ANP32B: variants seen among roughly 807,000 people sequenced by gnomAD.
The protein encoded by ANP32B is acidic nuclear phosphoprotein 32 family member B, also known as acidic leucine-rich nuclear phosphoprotein 32 family member B.
ANP32B carries 6 observed loss-of-function variants against 32.2 expected under a neutral mutation model. The observed-to-expected ratio is 0.19, with a 90% CI of 0.10 to 0.37. The LOEUF (loss-of-function observed/expected upper bound fraction) is 0.37, where lower values mean the gene tolerates loss of function less well. ANP32B is among the 10% of genes least tolerant of loss of function. The probability of loss-of-function intolerance (pLI) is 1.00; values close to 1 mark genes in which losing one functional copy is unlikely to be tolerated. For missense variants in ANP32B, 204 were observed against 289.2 expected (o/e 0.71, Z 2.14); for synonymous variants, 98 against 105.8 (o/e 0.93, Z 0.45).
chr9:98,012,838 C>T (rs1316842275), intron 6 of ANP32B, among the ~76,000 whole-genome samples: 13 of 152,232 alleles, frequency 8.5e-5, no homozygotes, highest in African/African-American at 3.1e-4. Context: ...TCAAGCCATT[C>T]TCCTGCCTCA....
intron 6 of ANP32B, among the ~76,000 whole-genome samples, chr9:98,012,722 GGGTGGTGGTGGT>G (rs942174470): frequency 1.3e-5 from 2 of 151,942 alleles, no homozygotes; most frequent in Non-Finnish European, 2.9e-5. Flanking sequence ...GTTTTTTTCG[GGGTGGTGGTGGT>G]GGTGGTGGTG....
chr9:98,011,132 T>C (rs1467364243), intron 4 of ANP32B, 139 bp from the exon 5 acceptor site: 2 of 1,267,054 alleles, frequency 1.6e-6, no homozygotes, highest in African/African-American at 3.0e-5. Flanking sequence ...GACTGAGCTG[T>C]AGCACATAGT....
chr9:97,998,900 C>T lies in ANP32B; in HGVS notation c.327+222C>T, dbSNP rs1337503213. On this transcript the variant is annotated intron_variant, in intron 3 of 6. Transcript: ENST00000339399. ...TCGGCTCACTGCAAGCTCCGCCTCC[C>T]GGGTTCACGCCATTCTCCTGCCTCA... Among the ~76,000 whole-genome samples, 3 of 40,306 alleles carry T rather than the reference C, an allele frequency of 7.4e-5. 1 individual carries two copies. Among genetic ancestry groups the T allele is most frequent in the African/African-American group, 5.7e-4 (2 of 3,536 alleles). The allele number at this position is 40,306 out of a possible 152,430, so 26.4% of individuals were successfully genotyped here. A position where few individuals can be genotyped will look rare whatever the true frequency, so the allele number is the denominator to read the frequency against.
rs560419735 is a variant in ANP32B, at chr9:97,988,639, T to TG, written c.54+5031dup. On this transcript the variant is annotated intron_variant, in intron 1 of 6. Coordinates refer to ENST00000339399, the MANE Select transcript of ANP32B (RefSeq NM_006401.3). ...ATTCTGGAGGCTGAGGCAGGAGAAT[T>TG]GCTTGAACCCCGGGGACAGAGTTTG... 3.3e-3 allele frequency among the ~76,000 whole-genome samples: 509 copies of TG among 152,204 alleles called. 3 individuals carry two copies. The highest frequency in any genetic ancestry group is 0.012 in the African/African-American group (483 of 41,534).
intron 1 of ANP32B, among the ~76,000 whole-genome samples, chr9:97,987,881 T>C (rs915833930): frequency 6.6e-6 from 1 of 152,172 alleles, no homozygotes; most frequent in Admixed American, 6.5e-5. Context: ...TTGAGCTCAA[T>C]TGGATATTCT....
intron 4 of ANP32B, among the ~76,000 whole-genome samples, chr9:98,005,827 C>G: frequency 6.6e-6 from 1 of 152,166 alleles, no homozygotes; most frequent in African/African-American, 2.4e-5. Context: ...CTTAAGTCTT[C>G]CTACTTCAGG....
intron 4 of ANP32B, among the ~76,000 whole-genome samples, chr9:98,007,641 G>A (rs528908808): frequency 5.3e-5 from 8 of 152,276 alleles, no homozygotes; most frequent in African/African-American, 1.7e-4. Flanking sequence ...CAGATGGAGC[G>A]GCTGCCATGG....
chr9:97,985,071 C>T lies in ANP32B; in HGVS notation c.54+1462C>T, dbSNP rs926276767. On this transcript the variant is annotated intron_variant, in intron 1 of 6. Transcript: ENST00000339399. The stretch of plus-strand genomic sequence containing the variant: ...GCGGCTGCCCGCCGTCGCGAGCCCC[C>T]CCCCCGCCGCGGACCGGCGCGGGCC... 9.3e-5 allele frequency among the ~76,000 whole-genome samples: 14 copies of T among 150,510 alleles called. No individual in the cohort carries two copies. In the East Asian group the frequency reaches 2.8e-3, roughly 30 times the overall value.
At chr9:97,983,759 G>A (rs541028935) in intron 1 of ANP32B, 150 bp downstream of exon 1, 2 of 539,428 alleles carry the variant, frequency 3.7e-6, no homozygotes, top group Non-Finnish European at 5.8e-6. Context: ...CGGGCGCGGA[G>A]GGGGGAGCGA....
At chr9:97,997,416 T>C (rs1827923152) in intron 2 of ANP32B, among the ~76,000 whole-genome samples, 2 of 152,260 alleles carry the variant, frequency 1.3e-5, no homozygotes, top group South Asian at 2.1e-4. Flanking sequence ...GTACATTTCA[T>C]TGCATGGCAA....
intron 4 of ANP32B, among the ~76,000 whole-genome samples, chr9:98,010,982 C>A (rs1161054277): frequency 6.6e-6 from 1 of 152,126 alleles, no homozygotes; most frequent in Non-Finnish European, 1.5e-5. Context: ...TTCCTGCATA[C>A]CCTTACCTTC....
At chr9:97,996,764 T>A (rs541639615) in intron 2 of ANP32B, among the ~76,000 whole-genome samples, 2 of 152,144 alleles carry the variant, frequency 1.3e-5, no homozygotes, top group East Asian at 3.9e-4. Context: ...TGGCTACTTT[T>A]TGTATTTTTT....
intron 3 of ANP32B, among the ~76,000 whole-genome samples, chr9:98,001,251 G>A (rs1015034427): frequency 1.4e-4 from 21 of 151,030 alleles, no homozygotes; most frequent in African/African-American, 5.1e-4. Flanking sequence ...GAGTGCAGTG[G>A]CGCCATCTCG....
intron 1 of ANP32B, among the ~76,000 whole-genome samples, chr9:97,993,507 A>C (rs1827860910): frequency 6.6e-6 from 1 of 152,214 alleles, no homozygotes. Flanking sequence ...CATCACTGTG[A>C]GTAGATCAAA....
Position 97,983,616 on chromosome 9 carries a change from A to G in ANP32B, c.54+7A>G. 6.4e-7 allele frequency: 1 copy of G among 1,569,658 alleles called. No homozygotes were observed. The highest frequency in any genetic ancestry group is 8.6e-7 in the Non-Finnish European group (1 of 1,158,700). On this transcript the variant is annotated splice_region_variant and intron_variant, in intron 1 of 6. Transcript: ENST00000339399. Reference sequence around the variant, plus strand: ...GAACCGGACCCCGGCAGCTGTAAGCAGAGACCCCTCTGGGTGCCCTCTCCC... The same window carrying G: ...GAACCGGACCCCGGCAGCTGTAAGCGGAGACCCCTCTGGGTGCCCTCTCCC...
intron 1 of ANP32B, 138 bp downstream of exon 1, chr9:97,983,747 G>A: frequency 1.6e-6 from 1 of 610,742 alleles, no homozygotes; most frequent in Non-Finnish European, 2.5e-6. Context: ...GGGGAAGGCG[G>A]GCGGGCGCGG....
intron 4 of ANP32B, among the ~76,000 whole-genome samples, chr9:98,006,478 G>A (rs10283632): frequency 0.24 from 36,359 of 152,082 alleles, 4,715 homozygotes; most frequent in Non-Finnish European, 0.3. Context: ...TCCAACATGA[G>A]TAAAAAACGT....
chr9:97,996,077 A>G (rs1013434502), intron 2 of ANP32B, among the ~76,000 whole-genome samples: 4 of 152,210 alleles, frequency 2.6e-5, no homozygotes, highest in African/African-American at 4.8e-5. Flanking sequence ...GATGAGAAAG[A>G]AATTTCCCCT....
At chr9:97,991,349 A>AG (rs1165560993) in intron 1 of ANP32B, among the ~76,000 whole-genome samples, 1 of 152,254 alleles carries the variant, frequency 6.6e-6, no homozygotes, top group East Asian at 1.9e-4. Context: ...TCCTGGGCTC[A>AG]GGTGGTCCTC....
Sources: gnomAD v4.1 joint callset for allele counts (sites outside exome capture counted in the v4.1 genomes callset) on GRCh38, gnomAD v4.1.1 for gene constraint, MANE v1.5 for transcripts, NCBI Gene and HGNC (gene_info 2026-07-23, HGNC 2026-07-21) for gene names.